Variants in MARK3 observed in about 807,000 individuals in gnomAD.
MARK3 encodes microtubule affinity regulating kinase 3.
MARK3 carries 46 observed loss-of-function variants against 90.1 expected under a neutral mutation model. The observed-to-expected ratio is 0.51, with a 90% CI of 0.40 to 0.65. The LOEUF (loss-of-function observed/expected upper bound fraction) is 0.65, where lower values mean the gene tolerates loss of function less well. Ranked by LOEUF, MARK3 falls within the 30% of genes least tolerant of loss-of-function variation. MARK3 has a pLI of 0.00. For missense variants in MARK3, 818 were observed against 947.2 expected, an observed-to-expected ratio of 0.86 and a Z score of 1.79; for synonymous variants, 321 against 332.6, an observed-to-expected ratio of 0.97 and a Z score of 0.38.
rs558552307 is a variant in MARK3 at position 103,398,572 on chromosome 14, A to G, written c.52-6504A>G. ...TTTTTGGTAGAGACAGGGTCTTGCTATGTTTGCCCAGGCGGGTCTCAAACT... is the reference window on the plus strand; with the variant it reads ...TTTTTGGTAGAGACAGGGTCTTGCTGTGTTTGCCCAGGCGGGTCTCAAACT... On this transcript the variant is annotated intron_variant, in intron 1 of 17. Transcript: ENST00000429436. 1.5e-3 allele frequency among the ~76,000 whole-genome samples: 225 copies of G among 152,224 alleles called. 1 individual carries two copies. The highest frequency in any genetic ancestry group is 5.1e-3 in the African/African-American group (211 of 41,516).
At chr14:103,493,834 C>A (rs1157700985) in intron 15 of MARK3, among the ~76,000 whole-genome samples, 1 of 143,870 alleles carries the variant, frequency 7.0e-6, no homozygotes, top group African/African-American at 2.6e-5. Context: ...GAGATCGTAC[C>A]ACTGCACTCT....
chr14:103,462,010 TG>T (rs2093411129), intron 6 of MARK3, among the ~76,000 whole-genome samples: 1 of 143,436 alleles, frequency 7.0e-6, no homozygotes, highest in Non-Finnish European at 1.5e-5. Context: ...CACTCTAGCC[TG>T]GGTGACAGAA....
At chr14:103,429,109 A>C (rs1048574965) in intron 3 of MARK3, 3 of 152,236 alleles carry the variant, frequency 2.0e-5, no homozygotes, top group Non-Finnish European at 4.4e-5. Flanking sequence ...GACATCAGCA[A>C]ATAATTAATG....
At chr14:103,432,980 C>T (rs1198365253) in intron 3 of MARK3, among the ~76,000 whole-genome samples, 1 of 152,042 alleles carries the variant, frequency 6.6e-6, no homozygotes, top group Non-Finnish European at 1.5e-5. Flanking sequence ...GAAAAGTAAC[C>T]GATTAGTTAA....
At chr14:103,406,995 G>C (rs913743966) in intron 2 of MARK3, among the ~76,000 whole-genome samples, 2 of 151,748 alleles carry the variant, frequency 1.3e-5, no homozygotes, top group Non-Finnish European at 2.9e-5. Context: ...CACTGCACCC[G>C]GCTAATTTTT....
chr14:103,457,300 C>T, intron 6 of MARK3, 88 bp downstream of exon 6: 1 of 943,278 alleles, frequency 1.1e-6, no homozygotes, highest in Non-Finnish European at 1.7e-6. Flanking sequence ...TCCATAAATG[C>T]TTATAAGGCC....
At chr14:103,407,608 T>A (rs1472454238) in intron 2 of MARK3, among the ~76,000 whole-genome samples, 1 of 125,290 alleles carries the variant, frequency 8.0e-6, no homozygotes, top group Non-Finnish European at 1.6e-5. Context: ...GTCGCCAGGC[T>A]GGAGTGCAGT....
chr14:103,406,000 C>T (rs2091270025), intron 2 of MARK3, among the ~76,000 whole-genome samples: 1 of 152,062 alleles, frequency 6.6e-6, no homozygotes, highest in Non-Finnish European at 1.5e-5. Flanking sequence ...AGGCAGTTCT[C>T]CCACCTCAGC....
intron 2 of MARK3, chr14:103,412,852 C>T (rs2091733410): frequency 2.5e-5 from 8 of 322,450 alleles, no homozygotes; most frequent in South Asian, 2.2e-4. Context: ...TTTAATGATG[C>T]CAAGTCTTTC....
chr14:103,468,749 A>G lies in MARK3; in HGVS notation c.1264+563A>G, dbSNP rs957537784. On this transcript the variant is annotated intron_variant, in intron 12 of 17. Coordinates refer to ENST00000429436, the MANE Select transcript of MARK3 (RefSeq NM_001128918.3). Reference sequence around the variant, plus strand: ...AGCTTAGTTGAGTGGAAACCTTACCATTTGCCCTTCTAGAACCTCTGCTTT... The same window carrying G: ...AGCTTAGTTGAGTGGAAACCTTACCGTTTGCCCTTCTAGAACCTCTGCTTT... 1.8e-4 allele frequency among the ~76,000 whole-genome samples: 26 copies of G among 146,258 alleles called. No individual in the cohort carries two copies. In the East Asian group the frequency reaches 5.2e-3, roughly 29 times the overall value.
At chr14:103,425,769 T>C (rs1312487566) in intron 2 of MARK3, among the ~76,000 whole-genome samples, 1 of 152,146 alleles carries the variant, frequency 6.6e-6, no homozygotes, top group African/African-American at 2.4e-5. Context: ...GCGCACACAC[T>C]CGTTTTCCCT....
intron 3 of MARK3, among the ~76,000 whole-genome samples, chr14:103,447,311 TA>T (rs1316619864): frequency 1.3e-5 from 2 of 152,006 alleles, no homozygotes; most frequent in African/African-American, 4.8e-5. Context: ...AAAATAAAAA[TA>T]AATTAACAAA....
At chr14:103,386,163 C>A in intron 1 of MARK3, 83 bp downstream of exon 1, 3 of 1,324,016 alleles carry the variant, frequency 2.3e-6, no homozygotes, top group South Asian at 1.2e-5. Flanking sequence ...TCGGGTGTTC[C>A]CCCCAGCCGA....
At chr14:103,455,958 C>CTT (rs906430456) in intron 5 of MARK3, among the ~76,000 whole-genome samples, 2 of 152,148 alleles carry the variant, frequency 1.3e-5, no homozygotes, top group Non-Finnish European at 2.9e-5. Flanking sequence ...CCTGAAAACA[C>CTT]TTATATCTAA....
At chr14:103,501,247 C>T (rs1267607203) in intron 17 of MARK3, among the ~76,000 whole-genome samples, 1 of 152,256 alleles carries the variant, frequency 6.6e-6, no homozygotes, top group Non-Finnish European at 1.5e-5. Context: ...CAAGGCAGAG[C>T]ACTAGGGTGA....
At chr14:103,446,255 G>T (rs995851691) in intron 3 of MARK3, among the ~76,000 whole-genome samples, 1 of 152,154 alleles carries the variant, frequency 6.6e-6, no homozygotes, top group South Asian at 2.1e-4. Flanking sequence ...GGCCAGGCGC[G>T]GTGGCTCACA....
intron 3 of MARK3, among the ~76,000 whole-genome samples, chr14:103,447,712 G>A (rs927413817): frequency 3.9e-5 from 6 of 152,118 alleles, no homozygotes; most frequent in African/African-American, 1.4e-4. Flanking sequence ...TTATACAACA[G>A]CAATTTAATA....
chr14:103,393,106 G>A (rs960610082), intron 1 of MARK3, among the ~76,000 whole-genome samples: 3 of 152,188 alleles, frequency 2.0e-5, no homozygotes, highest in Non-Finnish European at 4.4e-5. Context: ...TCAGCCTCCC[G>A]AGTAGCTGGG....
intron 2 of MARK3, among the ~76,000 whole-genome samples, chr14:103,407,599 T>C (rs1427510875): frequency 1.5e-5 from 2 of 135,522 alleles, no homozygotes; most frequent in East Asian, 5.0e-4. Context: ...TCTAGCTCTG[T>C]CGCCAGGCTG....
Sources: allele counts gnomAD v4.1 joint callset (sites outside exome capture counted in the v4.1 genomes callset), GRCh38; gene constraint gnomAD v4.1.1; transcripts MANE v1.5; gene names NCBI Gene and HGNC (gene_info 2026-07-23, HGNC 2026-07-21).